FHIT: variants seen among roughly 807,000 people sequenced by gnomAD.
FHIT encodes the protein fragile histidine triad diadenosine triphosphatase, also known as bis(5'-adenosyl)-triphosphatase.
Under a neutral mutation model 17.9 loss-of-function variants are expected in FHIT, and 19 were observed. The ratio of observed to expected loss-of-function variants is 1.06; its 90% CI spans 0.74 to 1.56. The LOEUF is 1.56. FHIT is among the 40% of genes most tolerant of loss of function. FHIT has a pLI of 0.00. For missense variants in FHIT, 248 were observed against 189.2 expected, an observed-to-expected ratio of 1.31 and a Z score of -1.82; for synonymous variants, 81 against 69.7, an observed-to-expected ratio of 1.16 and a Z score of -0.81.
At chr3:60,964,694 C>G (rs1167678481) in intron 3 of FHIT, among the ~76,000 whole-genome samples, 1 of 152,150 alleles carries the variant, frequency 6.6e-6, no homozygotes, top group Non-Finnish European at 1.5e-5. Flanking sequence ...ACTTCTGAAG[C>G]TTAGTTTGGC....
Position 60,614,839 on chromosome 3 carries a change from TTTG to T in FHIT, c.-17-77863_-17-77861del, listed in dbSNP as rs1559583719. ...TTTTTTGTTTTTTTTTTGTTTTTTT[TTTG>T]TTTTTTGAGATGGAGCCCTGCTCTG... is the stretch of plus-strand genomic sequence containing the variant. On this transcript the variant is annotated intron_variant, in intron 4 of 9. Transcript: ENST00000492590. Among the ~76,000 whole-genome samples the T allele has an allele frequency of 4.4e-4, 30 of 68,022 alleles. 3 individuals carry two copies. The highest frequency in any genetic ancestry group is 6.8e-4 in the Admixed American group (4 of 5,852). 44.6% of individuals were successfully genotyped at this position (68,022 alleles called of 152,430 possible).
At chr3:61,012,075 G>A (rs2031821165) in intron 3 of FHIT, among the ~76,000 whole-genome samples, 1 of 152,166 alleles carries the variant, frequency 6.6e-6, no homozygotes, top group Non-Finnish European at 1.5e-5. Flanking sequence ...AGGCTTGGAG[G>A]AAATACACTA....
At chr3:59,803,781 A>G (rs921206802) in intron 8 of FHIT, among the ~76,000 whole-genome samples, 13 of 152,294 alleles carry the variant, frequency 8.5e-5, no homozygotes, top group Admixed American at 8.5e-4. Context: ...CCAGGTAATA[A>G]TAAATCCCTA....
At chr3:61,163,737 T>C (rs988246717) in intron 2 of FHIT, among the ~76,000 whole-genome samples, 3 of 152,132 alleles carry the variant, frequency 2.0e-5, no homozygotes, top group African/African-American at 4.8e-5. Flanking sequence ...ACACCCCCTA[T>C]GTCCAATCAT....
At chr3:59,775,323 T>C (rs1175968180) in intron 8 of FHIT, among the ~76,000 whole-genome samples, 2 of 152,198 alleles carry the variant, frequency 1.3e-5, no homozygotes, top group African/African-American at 4.8e-5. Context: ...TTAACATTCC[T>C]TACCCGCCTG....
At chr3:60,250,655 T>C (rs1705657728) in intron 5 of FHIT, among the ~76,000 whole-genome samples, 1 of 152,204 alleles carries the variant, frequency 6.6e-6, no homozygotes, top group Non-Finnish European at 1.5e-5. Flanking sequence ...TCTTGAAGAT[T>C]TCTGGAGGAA....
intron 7 of FHIT, among the ~76,000 whole-genome samples, chr3:59,954,081 G>A (rs966113291): frequency 6.6e-5 from 10 of 152,202 alleles, no homozygotes; most frequent in Non-Finnish European, 1.3e-4. Flanking sequence ...CTTGAAGAGT[G>A]CAAAGGAGAA....
intron 3 of FHIT, among the ~76,000 whole-genome samples, chr3:60,894,877 G>A (rs139560412): frequency 0.012 from 1,863 of 152,098 alleles, 44 homozygotes; most frequent in African/African-American, 0.042. Flanking sequence ...AATGAAAAGT[G>A]GTTTTTGCTA....
chr3:60,173,894 TATATATATATA>T (rs1701531688), intron 5 of FHIT, among the ~76,000 whole-genome samples: 1 of 71,264 alleles, frequency 1.4e-5, no homozygotes, highest in East Asian at 8.0e-4. Flanking sequence ...AATATATATA[TATATATATATA>T]TATATATATA....
chr3:60,557,934 T>C (rs1270692867), intron 4 of FHIT, among the ~76,000 whole-genome samples: 8 of 152,076 alleles, frequency 5.3e-5, no homozygotes, highest in African/African-American at 1.9e-4. Flanking sequence ...ATTTGCACCC[T>C]GGTTTCATTG....
At chr3:60,231,945 G>C (rs1271401849) in intron 5 of FHIT, among the ~76,000 whole-genome samples, 1 of 152,122 alleles carries the variant, frequency 6.6e-6, no homozygotes, top group Non-Finnish European at 1.5e-5. Flanking sequence ...CCAGGAGACA[G>C]GGAGCATAAA....
At chr3:61,102,327 C>G (rs999026246) in intron 2 of FHIT, among the ~76,000 whole-genome samples, 3 of 152,074 alleles carry the variant, frequency 2.0e-5, no homozygotes, top group African/African-American at 7.2e-5. Flanking sequence ...TGGTTTTTGT[C>G]TTTGGTTCTG....
chr3:59,917,299 T>C (rs529969482), intron 8 of FHIT, among the ~76,000 whole-genome samples: 1 of 152,238 alleles, frequency 6.6e-6, no homozygotes, highest in Non-Finnish European at 1.5e-5. Flanking sequence ...TCATCAGTAA[T>C]GGGTTTTATA....
At chr3:60,478,526 T>G (rs866103711) in intron 5 of FHIT, among the ~76,000 whole-genome samples, 1 of 152,010 alleles carries the variant, frequency 6.6e-6, no homozygotes, top group East Asian at 1.9e-4. Context: ...AAAAAAACAA[T>G]AGAATGCATC....
intron 5 of FHIT, among the ~76,000 whole-genome samples, chr3:60,081,453 GTGATCC>G (rs1703280004): frequency 6.6e-6 from 1 of 152,062 alleles, no homozygotes; most frequent in Non-Finnish European, 1.5e-5. Context: ...GGAAAACAGA[GTGATCC>G]TGAAGTTCCT....
At chr3:60,360,880 C>A (rs1699879573) in intron 5 of FHIT, among the ~76,000 whole-genome samples, 1 of 152,202 alleles carries the variant, frequency 6.6e-6, no homozygotes, top group South Asian at 2.1e-4. Context: ...ATCCCTCCAA[C>A]ACGATTCATT....
At chr3:59,752,698 G>C (rs1037469834) in intron 8 of FHIT, among the ~76,000 whole-genome samples, 1 of 152,092 alleles carries the variant, frequency 6.6e-6, no homozygotes, top group East Asian at 1.9e-4. Context: ...TGAGTTATTG[G>C]GGGACCTTAT....
At chr3:61,214,433 T>A (rs1173599049) in intron 1 of FHIT, among the ~76,000 whole-genome samples, 1 of 152,108 alleles carries the variant, frequency 6.6e-6, no homozygotes, top group Non-Finnish European at 1.5e-5. Flanking sequence ...CCTCGACACA[T>A]ACACCCTCCC....
At chr3:60,796,306 T>G (rs897844858) in intron 4 of FHIT, among the ~76,000 whole-genome samples, 3 of 152,250 alleles carry the variant, frequency 2.0e-5, no homozygotes, top group East Asian at 3.8e-4. Context: ...TTAGAAAACC[T>G]AATTTCTTAT....
Sources: gnomAD v4.1 joint callset for allele counts (sites outside exome capture counted in the v4.1 genomes callset) on GRCh38, gnomAD v4.1.1 for gene constraint, MANE v1.5 for transcripts, NCBI Gene and HGNC (gene_info 2026-07-23, HGNC 2026-07-21) for gene names.